Variants in ACP4 observed in about 807,000 individuals in gnomAD.
ACP4 encodes testicular acid phosphatase.
In ACP4, 49 loss-of-function variants were observed where a neutral mutation model predicts 47.3. The observed-to-expected ratio is 1.04, with a 90% CI of 0.82 to 1.32. The LOEUF (loss-of-function observed/expected upper bound fraction) is 1.32. ACP4 is among the 40% of genes most tolerant of loss of function. ACP4 has a pLI of 0.00. For missense variants in ACP4, 594 were observed against 579.3 expected (o/e 1.03, Z -0.26); for synonymous variants, 299 against 265.3 (o/e 1.13, Z -1.23).
Position 50,794,806 on chromosome 19 carries a change from T to C in ACP4, c.1007T>C (p.Phe336Ser), listed in dbSNP as rs1432153101. The change falls in exon 10 of 11, where the codon TTC (phenylalanine) becomes TCC (serine). Residue 336 changes from phenylalanine to serine, a missense_variant. Coordinates refer to ENST00000270593, the MANE Select transcript of ACP4 (RefSeq NM_033068.3). Reference protein sequence around the residue: ...KDGGNVTVSLFYRNDSAHLPL... With the variant: ...KDGGNVTVSLSYRNDSAHLPL... ...TCCAGGAATGTCACCGTCTCCCTCT[T>C]CTACCGCAATGACTCCGCCCACCTG... 1 of 1,607,380 alleles carries C rather than the reference T, an allele frequency of 6.2e-7. No individual in the cohort carries two copies. Among genetic ancestry groups the C allele is most frequent in the Admixed American group, 1.7e-5 (1 of 59,510 alleles).
At chr19:50,792,900 C>T (rs950213736) in intron 6 of ACP4, 1 of 152,408 alleles carries the variant, frequency 6.6e-6, no homozygotes, top group East Asian at 1.9e-4. Flanking sequence ...TGCCCAGGAA[C>T]TCCTGGGCTC....
Position 50,790,420 on chromosome 19 carries a change from C to T in ACP4, c.6C>T (p.Ala2=), listed in dbSNP as rs770028587. ...AGCGTCTGGGCTGGGTGGAAATGGC[C>T]GGCCTGGGGTTTTGGGGCCACCCTG... M[A]GLGFWGHPAG... The change falls in exon 1 of 11, where the codon GCC becomes GCT. Residue 2 remains alanine, a synonymous_variant. Coordinates refer to ENST00000270593, the MANE Select transcript of ACP4 (RefSeq NM_033068.3). The T allele has an allele frequency of 8.2e-6, 13 of 1,583,622 alleles. No individual in the cohort carries two copies. The highest frequency in any genetic ancestry group is 6.8e-5 in the East Asian group (3 of 44,150).
rs759291354 is a variant in ACP4 at position 50,793,644 on chromosome 19, C to T, written c.646-40C>T. 7 of 1,599,760 alleles carry T rather than the reference C, an allele frequency of 4.4e-6. No homozygotes were observed. The East Asian group carries it at 6.7e-5, about 15-fold the overall frequency. Reference sequence around the variant, plus strand: ...AGGCCTGCGGGGCCAGAGGCAAACTCGAGGGCTCAGGATGGTCCATCTGTC... The same window carrying T: ...AGGCCTGCGGGGCCAGAGGCAAACTTGAGGGCTCAGGATGGTCCATCTGTC... On this transcript the variant is annotated intron_variant, in intron 6 of 10. Coordinates refer to ENST00000270593, the MANE Select transcript of ACP4 (RefSeq NM_033068.3).
At position 50,793,967 on chromosome 19, in the gene ACP4, A is replaced by C; in HGVS notation, c.858A>C (p.Ser286=). ...LGLPLKMVMY[S]AHDSTLLALQ... ...TGCCCCTCAAGATGGTCATGTACTC[A>C]GCTGTGAGTCCTTGGGAAGCAGTGC... The change falls in exon 8 of 11, where the codon TCA becomes TCC. Residue 286 remains serine, a synonymous_variant. Transcript: ENST00000270593. 1 of 1,613,994 alleles carries C rather than the reference A, an allele frequency of 6.2e-7. No individual in the cohort carries two copies. The highest frequency in any genetic ancestry group is 1.3e-5 in the African/African-American group (1 of 75,046).
chr19:50,793,353 T>TA (rs577999300), intron 6 of ACP4: 5,391 of 232,630 alleles, frequency 0.023, 10 homozygotes, highest in South Asian at 0.038. Context: ...CTACTAAAAA[T>TA]AAAAAAAAAA....
chr19:50,794,642 T>C (rs2089540267), intron 9 of ACP4, 61 bp downstream of exon 9: 4 of 1,612,134 alleles, frequency 2.5e-6, no homozygotes, highest in East Asian at 2.2e-5. Flanking sequence ...CAAGGGGTGA[T>C]GTGTCAGGCA....
chr19:50,794,055 C>A, intron 8 of ACP4, 85 bp downstream of exon 8: 1 of 1,493,752 alleles, frequency 6.7e-7, no homozygotes, highest in South Asian at 1.1e-5. Flanking sequence ...AGCCTGTGGT[C>A]CCAGTGGATC....
Position 50,794,529 on chromosome 19 carries a change from T to C in ACP4, c.934T>C (p.Cys312Arg). ...YDGHTPPYAA[C>R]LGFEFRKHLG... ...TGGACACACCCCGCCATATGCTGCC[T>C]GCCTCGGCTTTGAGTTCCGGAAGCA... The change falls in exon 9 of 11, where the codon TGC (cysteine) becomes CGC (arginine). Residue 312 changes from cysteine (C) to arginine (R), a missense_variant. Coordinates refer to ENST00000270593, the MANE Select transcript of ACP4 (RefSeq NM_033068.3). The C allele has an allele frequency of 6.2e-7, 1 of 1,614,044 alleles. No homozygotes were observed. The highest frequency in any genetic ancestry group is 8.5e-7 in the Non-Finnish European group (1 of 1,179,996).
Position 50,795,143 on chromosome 19 carries a change from G to C in ACP4, c.1266G>C (p.Leu422Phe), listed in dbSNP as rs746433248. The C allele has an allele frequency of 1.3e-6, 2 of 1,547,634 alleles. No homozygotes were observed. The highest frequency in any genetic ancestry group is 2.4e-5 in the East Asian group (1 of 41,226). ...LAWRPGCLRA[L>F]GGPV ...GGAGACCAGGGTGCCTGCGGGCCTT[G>C]GGGGGCCCCGTGTGAGCCAGAAACC... The change falls in exon 11 of 11, where the codon TTG becomes TTC. Residue 422 changes from leucine to phenylalanine, a missense_variant. Physicochemically the swap from Leu to Phe is conservative, Grantham distance 22. Coordinates refer to ENST00000270593, the MANE Select transcript of ACP4 (RefSeq NM_033068.3).
In ACP4 at chr19:50,795,161, CA is replaced by C. The variant is rs766742644; in HGVS notation, c.*4del. 13 of 1,537,658 alleles carry C rather than the reference CA, an allele frequency of 8.5e-6. No individual in the cohort carries two copies. In the Admixed American group the frequency reaches 2.0e-4, roughly 23 times the overall value. ...GGGCCTTGGGGGGCCCCGTGTGAGC[CA>C]GAAACCAGGGCTTCCCTACCCCCAG... On this transcript the variant is annotated 3_prime_UTR_variant, in exon 11 of 11. Transcript: ENST00000270593.
In ACP4 at chr19:50,790,506, C is replaced by A. The variant is rs779726505; in HGVS notation, c.92C>A (p.Pro31His). 11 of 1,551,282 alleles carry A rather than the reference C, an allele frequency of 7.1e-6. No homozygotes were observed. The African/African-American group carries it at 1.5e-4, about 21-fold the overall frequency. Reference protein sequence around the residue: ...VLPPRALPEGPLVFVALVFRH... With the variant: ...VLPPRALPEGHLVFVALVFRH... ...CCACCCCGGGCCCTGCCAGAAGGAC[C>A]CCTGGTGTTCGTGGCTCTGGTGAGG... is the stretch of plus-strand genomic sequence containing the variant. Residue 31 changes from proline (P) to histidine (H), a missense_variant, in exon 1 of 11, where the codon CCC becomes CAC. Transcript: ENST00000270593.
At position 50,793,950 on chromosome 19, in the gene ACP4, A is replaced by G; in HGVS notation, c.841A>G (p.Lys281Glu). ...GGTCCAGCGCCTGGGGCTGCCCCTC[A>G]AGATGGTCATGTACTCAGCTGTGAG... ...SRVQRLGLPLKMVMYSAHDST... is the reference protein window; with the variant it reads ...SRVQRLGLPLEMVMYSAHDST... Residue 281 changes from lysine (K) to glutamate (E), a missense_variant, in exon 8 of 11, where the codon AAG (lysine) becomes GAG (glutamate). Physicochemically the swap from Lys to Glu is moderately conservative, Grantham distance 56 (BLOSUM62 1). Transcript: ENST00000270593. 1 of 1,614,046 alleles carries G rather than the reference A, an allele frequency of 6.2e-7. No individual in the cohort carries two copies. The highest frequency in any genetic ancestry group is 1.1e-5 in the South Asian group (1 of 91,088).
chr19:50,791,290 G>C (rs1342169106), intron 3 of ACP4, among the ~76,000 whole-genome samples: 2 of 152,050 alleles, frequency 1.3e-5, no homozygotes, highest in African/African-American at 4.8e-5. Context: ...ACATCCCCCA[G>C]CTACAGACAG....
chr19:50,793,654 G>C, intron 6 of ACP4, 30 bp from the exon 7 acceptor site: 1 of 1,608,474 alleles, frequency 6.2e-7, no homozygotes, highest in Non-Finnish European at 8.5e-7. Flanking sequence ...CGAGGGCTCA[G>C]GATGGTCCAT....
intron 6 of ACP4, chr19:50,793,462 C>G: frequency 1.6e-6 from 1 of 607,276 alleles, no homozygotes; most frequent in South Asian, 2.5e-5. Context: ...TTGCAGACAG[C>G]CAAGATTGCG....
rs1302708905 is a variant in ACP4 at position 50,790,779 on chromosome 19, G to T, written c.222G>T (p.Gly74=). ...PRGLGQLTTE[G]VRQQLELGRF... is the part of the protein sequence containing the mutation. ...TGAGGCTGTTCTGTCCCCAGGAGGGGGTCCGCCAGCAGCTGGAGCTGGGCC... is the reference window on the plus strand; with the variant it reads ...TGAGGCTGTTCTGTCCCCAGGAGGGTGTCCGCCAGCAGCTGGAGCTGGGCC... The change falls in exon 3 of 11, where the codon GGG becomes GGT. Residue 74 remains glycine (G), a synonymous_variant. Transcript: ENST00000270593. 14 of 1,547,762 alleles carry T rather than the reference G, an allele frequency of 9.0e-6. No homozygotes were observed. Among genetic ancestry groups the T allele is most frequent in the Non-Finnish European group, 1.2e-5 (14 of 1,146,632 alleles).
At chr19:50,794,661 G>C in intron 9 of ACP4, 80 bp downstream of exon 9, 1 of 1,606,132 alleles carries the variant, frequency 6.2e-7, no homozygotes, top group South Asian at 1.1e-5. Context: ...CAGAGGGCAT[G>C]GCCAGGTGGG....
chr19:50,794,733 C>G, intron 9 of ACP4, 53 bp from the exon 10 acceptor site: 1 of 1,573,092 alleles, frequency 6.4e-7, no homozygotes, highest in Non-Finnish European at 8.6e-7. Flanking sequence ...TTTCTCCAGG[C>G]TTTAAGATCA....
At position 50,791,821 on chromosome 19, in the gene ACP4, C is replaced by T. The variant is rs1199271960; in HGVS notation, c.450+19C>T. On this transcript the variant is annotated intron_variant, in intron 4 of 10. Transcript: ENST00000270593. ...GGATAAGGTCAGGGGGCTGGACCCA[C>T]GTGTGGCGAGGGAGGGAGCGGGTGG... is the stretch of plus-strand genomic sequence containing the variant. The T allele has an allele frequency of 5.7e-6, 9 of 1,574,744 alleles. No individual in the cohort carries two copies. Among genetic ancestry groups the T allele is most frequent in the South Asian group, 3.4e-5 (3 of 88,682 alleles).
Sources: gnomAD v4.1 joint callset for allele counts (sites outside exome capture counted in the v4.1 genomes callset) on GRCh38, gnomAD v4.1.1 for gene constraint, MANE v1.5 for transcripts, NCBI Gene and HGNC (gene_info 2026-07-23, HGNC 2026-07-21) for gene names.